Variants in MTHFD1 observed in about 807,000 individuals in gnomAD.
MTHFD1 encodes the protein C-1-tetrahydrofolate synthase, cytoplasmic.
MTHFD1 carries 44 observed loss-of-function variants against 110.3 expected under a neutral mutation model. The observed-to-expected ratio is 0.40, with a 90% CI of 0.31 to 0.51. MTHFD1 has a LOEUF of 0.51. MTHFD1 is among the 20% of genes least tolerant of loss of function. The pLI, the probability that MTHFD1 is intolerant of heterozygous loss-of-function variation, is 0.60. For missense variants in MTHFD1, 909 were observed against 1,173.1 expected, an observed-to-expected ratio of 0.77 and a Z score of 3.29; for synonymous variants, 402 against 428.8, an observed-to-expected ratio of 0.94 and a Z score of 0.77.
At chr14:64,425,311 C>G (rs1465599167) in intron 9 of MTHFD1, among the ~76,000 whole-genome samples, 1 of 149,568 alleles carries the variant, frequency 6.7e-6, no homozygotes, top group Non-Finnish European at 1.5e-5. Flanking sequence ...CTCCCTGATT[C>G]AAGTGATTCT....
Position 64,417,566 on chromosome 14 carries a change from C to T in MTHFD1, c.479-322C>T, listed in dbSNP as rs1413683014. On this transcript the variant is annotated intron_variant, in intron 6 of 27. Coordinates refer to ENST00000652337, the MANE Select transcript of MTHFD1 (RefSeq NM_005956.4). This position sits in a 1 kb window ranked among gnomAD's most constrained non-coding sequence, Gnocchi z 4.4. ...TGTAATTTAATCTGATGTCTTCTTC[C>T]GTATGGCTGATTAGCTGTATGTCAG... Among the ~76,000 whole-genome samples the T allele has an allele frequency of 3.9e-5, 6 of 152,128 alleles. No homozygotes were observed. Among genetic ancestry groups the T allele is most frequent in the African/African-American group, 9.7e-5 (4 of 41,428 alleles).
At chr14:64,441,585 T>G (rs1024229154) in intron 19 of MTHFD1, 132 bp downstream of exon 19, 8 of 754,774 alleles carry the variant, frequency 1.1e-5, no homozygotes, top group African/African-American at 3.4e-5. Flanking sequence ...GGTGGGCAGA[T>G]CACAAGGTCA....
At chr14:64,397,068 G>A (rs148211542) in intron 1 of MTHFD1, among the ~76,000 whole-genome samples, 6,873 of 102,426 alleles carry the variant, frequency 0.067, 313 homozygotes, top group Non-Finnish European at 0.087. Context: ...TCGCGCCACT[G>A]CACTCCAGCC....
At chr14:64,439,377 C>A in intron 17 of MTHFD1, 1 of 592,852 alleles carries the variant, frequency 1.7e-6, no homozygotes, top group Non-Finnish European at 3.0e-6. Flanking sequence ...GTGTGTTTTT[C>A]CCCCGGCATT....
At chr14:64,396,038 T>C (rs964531402) in intron 1 of MTHFD1, among the ~76,000 whole-genome samples, 1 of 152,214 alleles carries the variant, frequency 6.6e-6, no homozygotes, top group Non-Finnish European at 1.5e-5. Flanking sequence ...TTATAAACTT[T>C]CAATGAAGCA....
intron 1 of MTHFD1, among the ~76,000 whole-genome samples, chr14:64,398,165 A>T (rs1357740765): frequency 2.7e-3 from 6 of 2,224 alleles, no homozygotes; most frequent in South Asian, 0.071. Flanking sequence ...ATCCCAGTTA[A>T]AAAAAAAAAT....
At position 64,415,344 on chromosome 14, in the gene MTHFD1, G is replaced by A. The variant is rs1282718253; in HGVS notation, c.241-14G>A. The A allele has an allele frequency of 1.3e-6, 2 of 1,599,320 alleles. No individual in the cohort carries two copies. Among genetic ancestry groups the A allele is most frequent in the Admixed American group, 1.7e-5 (1 of 60,000 alleles). On this transcript the variant is annotated splice_polypyrimidine_tract_variant and intron_variant, in intron 4 of 27. Transcript: ENST00000652337. ...TCTGTGTGATATACAAATTATATAT[G>A]GTATTACTTTTAGGTGATGAAGTAC... is the stretch of plus-strand genomic sequence containing the variant.
At chr14:64,430,318 G>T in intron 13 of MTHFD1, 88 bp downstream of exon 13, 1 of 1,252,158 alleles carries the variant, frequency 8.0e-7, no homozygotes, top group South Asian at 1.2e-5. Context: ...TTTTCCCCAT[G>T]ACGGAGTCTT....
Position 64,454,724 on chromosome 14 carries a change from G to A in MTHFD1, c.2567G>A (p.Gly856Asp), listed in dbSNP as rs146868433. The A allele has an allele frequency of 1.2e-6, 2 of 1,613,202 alleles. No individual in the cohort carries two copies. Among genetic ancestry groups the A allele is most frequent in the East Asian group, 4.5e-5 (2 of 44,866 alleles). The part of the protein sequence containing the change: ...QHKAEVYTKQ[G>D]FGNLPICMAK... Reference sequence around the variant, plus strand: ...CCCTCTCTTCCCTTCTTTCCCCAGGGCTTTGGGAATCTCCCCATCTGCATG... The same window carrying A: ...CCCTCTCTTCCCTTCTTTCCCCAGGACTTTGGGAATCTCCCCATCTGCATG... The change falls in exon 26 of 28, where the codon GGC becomes GAC. Residue 856 changes from glycine to aspartate, a missense_variant and splice_region_variant. Transcript: ENST00000652337.
At chr14:64,423,138 GA>G (rs2078088398) in intron 8 of MTHFD1, among the ~76,000 whole-genome samples, 1 of 152,106 alleles carries the variant, frequency 6.6e-6, no homozygotes, top group Non-Finnish European at 1.5e-5. Context: ...GCTGTAAGAG[GA>G]AATGTTCTGC....
At chr14:64,448,870 A>T (rs932706261) in intron 23 of MTHFD1, among the ~76,000 whole-genome samples, 1 of 149,938 alleles carries the variant, frequency 6.7e-6, no homozygotes, top group African/African-American at 2.5e-5. Flanking sequence ...CACGATCTCC[A>T]CTCGCTGCAA....
intron 7 of MTHFD1, among the ~76,000 whole-genome samples, chr14:64,419,037 T>A (rs553214963): frequency 1.2e-4 from 19 of 152,288 alleles, no homozygotes; most frequent in African/African-American, 4.3e-4. Context: ...TTAAGCTTTT[T>A]GTAGCGACAG....
In MTHFD1 at chr14:64,448,312, A is replaced by G; in HGVS notation, c.2274A>G (p.Ala758=). ...FGIPVVVAVN[A]FKTDTESELD... ...TTCCAGTAGTAGTGGCCGTGAATGCATTCAAGTAAGTGTAGAGTGTAAGCG... is the reference window on the plus strand; with the variant it reads ...TTCCAGTAGTAGTGGCCGTGAATGCGTTCAAGTAAGTGTAGAGTGTAAGCG... Residue 758 remains alanine (A), a synonymous_variant, in exon 23 of 28, where the codon GCA becomes GCG. Transcript: ENST00000652337. 1.2e-6 allele frequency: 2 copies of G among 1,609,762 alleles called. No homozygotes were observed. Among genetic ancestry groups the G allele is most frequent in the Middle Eastern group, 1.7e-4 (1 of 6,054 alleles).
At chr14:64,448,002 T>C (rs1264303304) in intron 22 of MTHFD1, 1 of 588,418 alleles carries the variant, frequency 1.7e-6, no homozygotes, top group Non-Finnish European at 3.0e-6. Flanking sequence ...AGCTCTACTC[T>C]AGTGTCATAG....
Position 64,441,436 on chromosome 14 carries a change from C to A in MTHFD1, c.1867C>A (p.Leu623Ile), listed in dbSNP as rs1271737158. 1 of 1,614,042 alleles carries A rather than the reference C, an allele frequency of 6.2e-7. No individual in the cohort carries two copies. Among genetic ancestry groups the A allele is most frequent in the Non-Finnish European group, 8.5e-7 (1 of 1,179,954 alleles). ...TATGAAGGACGCAATCAAGCCCAAT[C>A]TCATGCAGACACTGGAGGTGAGCAG... is the stretch of plus-strand genomic sequence containing the variant. ...VLMKDAIKPN[L>I]MQTLEGTPVF... is the part of the protein sequence containing the mutation. Residue 623 changes from leucine to isoleucine, a missense_variant, in exon 19 of 28, where the codon CTC (leucine) becomes ATC (isoleucine). Physicochemically the swap from Leu to Ile is conservative, Grantham distance 5 (BLOSUM62 2). This residue lies in a region of MTHFD1 where 482 missense variants were observed against 646.0 expected (regional missense o/e 0.75). Transcript: ENST00000652337.
chr14:64,440,871 T>G (rs575189787), intron 18 of MTHFD1: 12 of 245,574 alleles, frequency 4.9e-5, no homozygotes, highest in South Asian at 1.6e-4. Flanking sequence ...TTTCCAGATA[T>G]TACATGTGAA....
chr14:64,416,231 C>T (rs932166008), intron 6 of MTHFD1, among the ~76,000 whole-genome samples: 2 of 151,718 alleles, frequency 1.3e-5, no homozygotes, highest in South Asian at 2.1e-4. Flanking sequence ...GGCAACAGAG[C>T]GAGACTCTGT....
chr14:64,422,524 T>G (rs968780091), intron 8 of MTHFD1, among the ~76,000 whole-genome samples: 14 of 152,188 alleles, frequency 9.2e-5, no homozygotes, highest in South Asian at 2.1e-4. Context: ...GTGCTCTTCC[T>G]GCTTGGCTTA....
At chr14:64,397,370 G>T (rs2077866325) in intron 1 of MTHFD1, among the ~76,000 whole-genome samples, 1 of 150,342 alleles carries the variant, frequency 6.7e-6, no homozygotes, top group Admixed American at 6.6e-5. Flanking sequence ...TCTGCTCACT[G>T]CAACCTCTGC....
Sources: gnomAD v4.1 joint callset for allele counts (sites outside exome capture counted in the v4.1 genomes callset) on GRCh38, gnomAD v4.1.1 for gene constraint, gnomAD v4.1.1 regional missense constraint, Gnocchi (gnomAD v3.1) non-coding constraint, MANE v1.5 for transcripts, NCBI Gene and HGNC (gene_info 2026-07-23, HGNC 2026-07-21) for gene names.